Variants in PLAC1 observed in about 807,000 individuals in gnomAD.
The protein encoded by PLAC1 is placenta-specific protein 1.
For synonymous variants in PLAC1, 68 were observed against 62.1 expected, an observed-to-expected ratio of 1.09 and a Z score of -0.44; for missense variants, 136 against 163.2, an observed-to-expected ratio of 0.83 and a Z score of 0.91.
intron 2 of PLAC1, among the ~76,000 whole-genome samples, chrX:134,691,144 A>G (rs2078539627): frequency 1.0e-5 from 1 of 98,426 alleles, no homozygotes; most frequent in South Asian, 5.1e-4. Context: ...GTTCCTCTGT[A>G]AAATGGGGGT....
chrX:134,625,069 C>T (rs1044892074), intron 1 of PLAC1, among the ~76,000 whole-genome samples: 7 of 111,784 alleles, frequency 6.3e-5, no homozygotes, highest in Non-Finnish European at 9.4e-5. Flanking sequence ...TACTGACTTT[C>T]CCACATAGAA....
intron 1 of PLAC1, among the ~76,000 whole-genome samples, chrX:134,627,889 T>C (rs2078243430): frequency 9.0e-6 from 1 of 111,286 alleles, no homozygotes; most frequent in Admixed American, 9.6e-5. Flanking sequence ...TTCTGTGCTC[T>C]GGAATTAAGG....
At chrX:134,607,203 CT>C in intron 1 of PLAC1, 1 of 139,610 alleles carries the variant, frequency 7.2e-6, no homozygotes, top group South Asian at 2.1e-4. Context: ...TTCTCTAGGC[CT>C]TTTAGAGAAC....
At chrX:134,610,644 A>T (rs1366579288) in intron 1 of PLAC1, among the ~76,000 whole-genome samples, 1 of 111,393 alleles carries the variant, frequency 9.0e-6, no homozygotes, top group African/African-American at 3.3e-5. Flanking sequence ...ATCCATGCAG[A>T]TCCCACAGCT....
chrX:134,610,126 C>A (rs752677980), intron 1 of PLAC1, among the ~76,000 whole-genome samples: 2 of 110,803 alleles, frequency 1.8e-5, no homozygotes, highest in Non-Finnish European at 1.9e-5. Context: ...TACAGGCGTG[C>A]GCCACCACAC....
intron 1 of PLAC1, among the ~76,000 whole-genome samples, chrX:134,648,788 G>T (rs113889151): frequency 0.013 from 1,419 of 111,936 alleles, 22 homozygotes; most frequent in African/African-American, 0.044. Context: ...TGGTTAAAGT[G>T]GGGGCAAGAG....
intron 2 of PLAC1, among the ~76,000 whole-genome samples, chrX:134,593,988 AG>A (rs1480533956): frequency 9.0e-6 from 1 of 111,309 alleles, no homozygotes; most frequent in Non-Finnish European, 1.9e-5. Context: ...TCCTGATCTA[AG>A]GGTGAAAACA....
At chrX:134,701,816 G>A (rs1035552386) in intron 2 of PLAC1, among the ~76,000 whole-genome samples, 2 of 112,158 alleles carry the variant, frequency 1.8e-5, no homozygotes, top group African/African-American at 6.5e-5. Context: ...TCAGGAGTTC[G>A]AGACCAGCCT....
intron 2 of PLAC1, among the ~76,000 whole-genome samples, chrX:134,582,534 G>A (rs1569377246): frequency 8.9e-6 from 1 of 111,863 alleles, no homozygotes; most frequent in East Asian, 2.8e-4. Context: ...AAGTAGTATT[G>A]ATTATTTTTA....
At chrX:134,731,270 A>G (rs896847902) in intron 2 of PLAC1, among the ~76,000 whole-genome samples, 3 of 111,878 alleles carry the variant, frequency 2.7e-5, no homozygotes, top group African/African-American at 9.8e-5. Flanking sequence ...TCTCTATAAA[A>G]TGGGGATATA....
At chrX:134,738,525 C>T (rs1035140165) in intron 1 of PLAC1, among the ~76,000 whole-genome samples, 2 of 111,988 alleles carry the variant, frequency 1.8e-5, no homozygotes, top group Non-Finnish European at 3.8e-5. Flanking sequence ...TTCCAGCCCC[C>T]CTGGACCCAG....
rs150498346 is a variant in PLAC1, at chrX:134,706,917, T to G, written n.174+26518A>C. On this transcript the variant is annotated intron_variant and non_coding_transcript_variant, in intron 2 of 2. Coordinates refer to the PLAC1 transcript ENST00000466797. Reference sequence around the variant, plus strand: ...CTGAAAAATATGTATGAACAGAGCCTCAGGGATCCGTGGCACTATAACAAA... The same window carrying G: ...CTGAAAAATATGTATGAACAGAGCCGCAGGGATCCGTGGCACTATAACAAA... Among the ~76,000 whole-genome samples, 730 of 111,679 alleles carry G rather than the reference T, an allele frequency of 6.5e-3. 5 individuals are homozygous for G. Among genetic ancestry groups the G allele is most frequent in the East Asian group, 0.051 (180 of 3,551 alleles).
chrX:134,677,064 G>C (rs1402048389), intron 2 of PLAC1, among the ~76,000 whole-genome samples: 1 of 112,657 alleles, frequency 8.9e-6, no homozygotes, highest in African/African-American at 3.2e-5. Context: ...TCAAAATGTA[G>C]ATTTGTGGGC....
At chrX:134,647,410 C>CTG (rs200761671) in intron 1 of PLAC1, among the ~76,000 whole-genome samples, 4,090 of 90,017 alleles carry the variant, frequency 0.045, 158 homozygotes, top group African/African-American at 0.11. Context: ...ATGCATGCAT[C>CTG]TGTGTGTGTG....
chrX:134,689,539 T>C (rs776249208), intron 2 of PLAC1, among the ~76,000 whole-genome samples: 2 of 111,561 alleles, frequency 1.8e-5, no homozygotes, highest in Non-Finnish European at 3.8e-5. Context: ...CACCCACGGG[T>C]GTCTCCTGTG....
chrX:134,677,261 C>T (rs965974941), intron 2 of PLAC1, among the ~76,000 whole-genome samples: 48 of 112,119 alleles, frequency 4.3e-4, no homozygotes, highest in African/African-American at 1.6e-3. Flanking sequence ...GTGTGCCAGG[C>T]ACTGTACTAG....
intron 2 of PLAC1, among the ~76,000 whole-genome samples, chrX:134,686,028 A>T (rs1046792969): frequency 9.0e-6 from 1 of 111,518 alleles, no homozygotes; most frequent in African/African-American, 3.3e-5. Context: ...CGAAAAGCCA[A>T]TGAAGGAATA....
chrX:134,710,378 C>T (rs1311436971), intron 2 of PLAC1, among the ~76,000 whole-genome samples: 1 of 111,725 alleles, frequency 9.0e-6, no homozygotes, highest in Non-Finnish European at 1.9e-5. Flanking sequence ...GACTGTTACT[C>T]GGTAGAGCCA....
chrX:134,737,738 G>T (rs1012299049), intron 1 of PLAC1, among the ~76,000 whole-genome samples: 1 of 112,563 alleles, frequency 8.9e-6, no homozygotes, highest in Non-Finnish European at 1.9e-5. Context: ...CCATGCTGAG[G>T]TCGACGAAAA....
Sources: gnomAD v4.1 joint callset for allele counts (sites outside exome capture counted in the v4.1 genomes callset) on GRCh38, gnomAD v4.1.1 for gene constraint, MANE v1.5 for transcripts, NCBI Gene and HGNC (gene_info 2026-07-23, HGNC 2026-07-21) for gene names.